Variants in DPP10 observed in about 807,000 individuals in gnomAD.
DPP10 encodes dipeptidyl peptidase like 10, also known as inactive dipeptidyl peptidase 10.
In DPP10, 33 loss-of-function variants were observed where a neutral mutation model predicts 120.9. The observed-to-expected ratio is 0.27, with a 90% CI of 0.21 to 0.37. The LOEUF (loss-of-function observed/expected upper bound fraction) is 0.37, where lower values mean the gene tolerates loss of function less well. Among genes scored for constraint, DPP10 ranks in the 10% least tolerant of loss-of-function variants. The probability of loss-of-function intolerance (pLI) is 1.00; values close to 1 mark genes in which losing one functional copy is unlikely to be tolerated. For missense variants in DPP10, 816 were observed against 942.8 expected (o/e 0.87, Z 1.76); for synonymous variants, 337 against 326.1 (o/e 1.03, Z -0.36).
intron 5 of DPP10, among the ~76,000 whole-genome samples, chr2:115,566,385 T>C (rs1235865800): frequency 2.0e-5 from 3 of 152,184 alleles, no homozygotes; most frequent in African/African-American, 7.2e-5. Context: ...TGCTAATTAA[T>C]TACTGTAACA....
At chr2:115,770,017 G>A (rs1404161673) in intron 13 of DPP10, among the ~76,000 whole-genome samples, 1 of 152,030 alleles carries the variant, frequency 6.6e-6, no homozygotes, top group Non-Finnish European at 1.5e-5. Context: ...AGATAGTGAA[G>A]GATAGGAAAA....
chr2:114,669,115 G>A (rs1289577436), intron 1 of DPP10, among the ~76,000 whole-genome samples: 1 of 151,980 alleles, frequency 6.6e-6, no homozygotes, highest in Non-Finnish European at 1.5e-5. Context: ...CTACTTTCTT[G>A]TTGTTACAAC....
At chr2:115,315,272 CACAT>C (rs1014507825) in intron 2 of DPP10, among the ~76,000 whole-genome samples, 6 of 151,592 alleles carry the variant, frequency 4.0e-5, no homozygotes, top group African/African-American at 1.5e-4. Context: ...TGCACACACA[CACAT>C]ACACACACAC....
intron 5 of DPP10, among the ~76,000 whole-genome samples, chr2:115,677,803 T>C (rs1327761111): frequency 6.6e-6 from 1 of 151,214 alleles, no homozygotes; most frequent in African/African-American, 2.4e-5. Flanking sequence ...GGAGAGAGAG[T>C]CTCCACTACA....
At chr2:115,678,316 C>T (rs895807903) in intron 5 of DPP10, among the ~76,000 whole-genome samples, 1 of 152,202 alleles carries the variant, frequency 6.6e-6, no homozygotes, top group Non-Finnish European at 1.5e-5. Context: ...GGCCCGGGGC[C>T]CCCCTGCTGT....
intron 1 of DPP10, among the ~76,000 whole-genome samples, chr2:114,721,097 G>T (rs527899868): frequency 6.6e-6 from 1 of 152,316 alleles, no homozygotes; most frequent in African/African-American, 2.4e-5. Context: ...TAGACTTCCA[G>T]TGCCTAGATA....
intron 1 of DPP10, among the ~76,000 whole-genome samples, chr2:114,970,977 A>G (rs1374585191): frequency 6.6e-6 from 1 of 152,208 alleles, no homozygotes; most frequent in African/African-American, 2.4e-5. Context: ...TTAGAGGGTC[A>G]TTAGTAAGGA....
intron 1 of DPP10, among the ~76,000 whole-genome samples, chr2:114,592,684 C>T (rs367963412): frequency 8.6e-5 from 13 of 151,658 alleles, no homozygotes; most frequent in African/African-American, 1.7e-4. Flanking sequence ...ACCCTCAAAA[C>T]GCTTGAAAAC....
intron 1 of DPP10, among the ~76,000 whole-genome samples, chr2:114,601,497 G>A (rs1302761544): frequency 6.6e-6 from 1 of 151,784 alleles, no homozygotes; most frequent in Non-Finnish European, 1.5e-5. Context: ...GATTGGGGAG[G>A]GAGGTCTTAT....
intron 1 of DPP10, among the ~76,000 whole-genome samples, chr2:114,969,901 A>T (rs1030254469): frequency 6.6e-6 from 1 of 152,144 alleles, no homozygotes; most frequent in South Asian, 2.1e-4. Context: ...TCTAATCAAG[A>T]TATTTGCATT....
intron 1 of DPP10, among the ~76,000 whole-genome samples, chr2:115,209,773 A>T (rs550966594): frequency 1.5e-3 from 233 of 152,328 alleles, no homozygotes; most frequent in African/African-American, 5.0e-3. Context: ...GCCAAAGTAG[A>T]TGCAAGAAAA....
chr2:115,187,257 C>T (rs997312429), intron 1 of DPP10, among the ~76,000 whole-genome samples: 1 of 151,140 alleles, frequency 6.6e-6, no homozygotes, highest in African/African-American at 2.4e-5. Flanking sequence ...AGGATGGTCT[C>T]GATCTCCTGA....
intron 1 of DPP10, among the ~76,000 whole-genome samples, chr2:114,700,243 C>G (rs112901796): frequency 2.0e-5 from 3 of 152,134 alleles, no homozygotes; most frequent in African/African-American, 7.2e-5. Flanking sequence ...CAATCACCTC[C>G]CCACACCACC....
At chr2:115,009,309 C>T (rs564739706) in intron 1 of DPP10, among the ~76,000 whole-genome samples, 2 of 152,024 alleles carry the variant, frequency 1.3e-5, no homozygotes, top group African/African-American at 4.8e-5. Flanking sequence ...AACCATCATT[C>T]TCAGTAAACT....
intron 1 of DPP10, among the ~76,000 whole-genome samples, chr2:114,920,697 T>C (rs963964647): frequency 1.3e-5 from 2 of 152,174 alleles, no homozygotes; most frequent in Non-Finnish European, 2.9e-5. Context: ...TTATGCCTCA[T>C]AAACATTTTA....
At chr2:114,701,171 A>G (rs1700364073) in intron 1 of DPP10, among the ~76,000 whole-genome samples, 1 of 152,122 alleles carries the variant, frequency 6.6e-6, no homozygotes, top group Admixed American at 6.6e-5. Context: ...GAAGCAAGCT[A>G]GTGAATGTAA....
intron 1 of DPP10, among the ~76,000 whole-genome samples, chr2:115,250,623 A>G (rs2058713977): frequency 6.6e-6 from 1 of 151,972 alleles, no homozygotes; most frequent in African/African-American, 2.4e-5. Flanking sequence ...AGTTTTCCAG[A>G]AAAAAAATAA....
At chr2:115,108,982 C>T (rs2049081621) in intron 1 of DPP10, among the ~76,000 whole-genome samples, 2 of 152,004 alleles carry the variant, frequency 1.3e-5, no homozygotes, top group South Asian at 2.1e-4. Flanking sequence ...ATTTGAGCAG[C>T]CATAGCTATG....
chr2:115,454,344 T>G (rs2073355610), intron 3 of DPP10, among the ~76,000 whole-genome samples: 1 of 151,632 alleles, frequency 6.6e-6, no homozygotes, highest in African/African-American at 2.4e-5. Flanking sequence ...AACAAAATAT[T>G]AACAAACTAA....
Sources: gnomAD v4.1 joint callset for allele counts (sites outside exome capture counted in the v4.1 genomes callset) on GRCh38, gnomAD v4.1.1 for gene constraint, MANE v1.5 for transcripts, NCBI Gene and HGNC (gene_info 2026-07-23, HGNC 2026-07-21) for gene names.